Variants in MYH16 observed in about 807,000 individuals in gnomAD.
MYH16 encodes myosin heavy chain 16.
chr7:99,286,329 T>C (rs534818304), intron 27 of MYH16: 58 of 152,602 alleles, frequency 3.8e-4, no homozygotes, highest in African/African-American at 1.3e-3. Flanking sequence ...GGTTAGAGGA[T>C]TGTTTGAGCC....
At chr7:99,259,737 T>C (rs113397169) in intron 11 of MYH16, among the ~76,000 whole-genome samples, 5,078 of 148,600 alleles carry the variant, frequency 0.034, 267 homozygotes, top group African/African-American at 0.12. Flanking sequence ...TGTGTATATA[T>C]ATATTATACA....
At chr7:99,256,764 G>T (rs1791877567) in intron 9 of MYH16, among the ~76,000 whole-genome samples, 2 of 151,996 alleles carry the variant, frequency 1.3e-5, no homozygotes, top group South Asian at 4.2e-4. Flanking sequence ...GACAGAGGGA[G>T]GACTCCATCT....
At chr7:99,272,572 T>C (rs577065889) in intron 19 of MYH16, among the ~76,000 whole-genome samples, 2 of 151,372 alleles carry the variant, frequency 1.3e-5, no homozygotes, top group East Asian at 3.9e-4. Context: ...GGAGACCCCA[T>C]CTCTACAAAA....
At chr7:99,308,477 C>A (rs530662521), downstream of MYH16, among the ~76,000 whole-genome samples, 3 of 152,130 alleles carry the variant, frequency 2.0e-5, no homozygotes, top group Admixed American at 6.5e-5. Flanking sequence ...AAAACAAGAT[C>A]AATCACTCCT....
chr7:99,302,315 T>TAC lies in MYH16; in HGVS notation n.5137+512_5137+513insCA, dbSNP rs1369453226. On this transcript the variant is annotated intron_variant and non_coding_transcript_variant, in intron 38 of 41. Coordinates refer to ENST00000439784, the Ensembl canonical transcript of MYH16. The stretch of plus-strand genomic sequence containing the variant: ...TGACCATCTCAAAAAAAAAAAAATA[T>TAC]ATACACACACACACACACACACACA... Among the ~76,000 whole-genome samples, 507 of 77,958 alleles carry TAC rather than the reference T, an allele frequency of 6.5e-3. 11 individuals are homozygous for TAC. The highest frequency in any genetic ancestry group is 0.021 in the African/African-American group (240 of 11,586). 51.1% of individuals were successfully genotyped at this position (77,958 alleles called of 152,430 possible). A position where few individuals can be genotyped will look rare whatever the true frequency, so the allele number is the denominator to read the frequency against.
intron 8 of MYH16, chr7:99,253,970 T>G (rs1456502153): frequency 6.6e-6 from 1 of 152,240 alleles, no homozygotes; most frequent in Admixed American, 6.6e-5. Context: ...TGAATCGGGC[T>G]GGGTGCGGTG....
downstream of MYH16, among the ~76,000 whole-genome samples, chr7:99,307,762 C>CG (rs1792702498): frequency 6.6e-6 from 1 of 152,114 alleles, no homozygotes; most frequent in Non-Finnish European, 1.5e-5. Context: ...GAGAGTCTCA[C>CG]TCTGTCACCA....
chr7:99,244,600 G>A (rs1791706746), intron 2 of MYH16, among the ~76,000 whole-genome samples: 1 of 152,200 alleles, frequency 6.6e-6, no homozygotes, highest in East Asian at 1.9e-4. Flanking sequence ...TGTGACCCCA[G>A]ATTCATCCTC....
intron 21 of MYH16, among the ~76,000 whole-genome samples, 166 bp downstream of exon 3, chr7:99,277,878 CGTGTGTGT>C (rs61634087): frequency 4.4e-4 from 53 of 121,790 alleles, no homozygotes; most frequent in Admixed American, 2.4e-3. Context: ...CCATCCAATT[CGTGTGTGT>C]GTGTGTGTGT....
chr7:99,302,357 C>CACACACAT (rs1792612327), intron 38 of MYH16, among the ~76,000 whole-genome samples: 5 of 147,568 alleles, frequency 3.4e-5, no homozygotes, highest in Admixed American at 2.0e-4. Context: ...CACACACACA[C>CACACACAT]ACACACATCC....
In MYH16 at chr7:99,247,199, G is replaced by C. The variant is rs142477244; in HGVS notation, n.355-395G>C. The stretch of plus-strand genomic sequence containing the variant: ...TTGTTTTTGTTGTTTTTGAGACGGA[G>C]TCTCACTCTGTTGCCCAGGCTGGAG... On this transcript the variant is annotated intron_variant and non_coding_transcript_variant, in intron 2 of 41. Coordinates refer to ENST00000439784, the Ensembl canonical transcript of MYH16. Among the ~76,000 whole-genome samples the C allele has an allele frequency of 9.4e-4, 143 of 152,344 alleles. 1 individual carries two copies. Among genetic ancestry groups the C allele is most frequent in the Admixed American group, 4.5e-3 (69 of 15,304 alleles).
chr7:99,278,571 G>T (rs994128785), intron 21 of MYH16, among the ~76,000 whole-genome samples: 1 of 152,138 alleles, frequency 6.6e-6, no homozygotes, highest in Admixed American at 6.5e-5. Context: ...TCTCACAGCC[G>T]CCCTGTAAGA....
At chr7:99,302,837 C>T (rs897829948) in intron 38 of MYH16, among the ~76,000 whole-genome samples, 2 of 149,508 alleles carry the variant, frequency 1.3e-5, no homozygotes, top group African/African-American at 4.9e-5. Flanking sequence ...GCTGTGATTG[C>T]ACAACTGCAT....
At chr7:99,307,482 C>T (rs1049791537), downstream of MYH16, among the ~76,000 whole-genome samples, 6 of 152,120 alleles carry the variant, frequency 3.9e-5, no homozygotes, top group African/African-American at 1.4e-4. Flanking sequence ...CTAGTACTTT[C>T]AGAGGCCAAG....
At chr7:99,274,533 T>C (rs1184591562) in intron 20 of MYH16, among the ~76,000 whole-genome samples, 1 of 152,012 alleles carries the variant, frequency 6.6e-6, no homozygotes, top group East Asian at 1.9e-4. Flanking sequence ...CCCAAATGTA[T>C]CCACACACAG....
chr7:99,255,649 C>T, exon 9 of MYH16: 1 of 153,192 alleles, frequency 6.5e-6, no homozygotes. Context: ...CCACTGTGGA[C>T]AACATGGATG....
At chr7:99,258,810 T>A (rs1326831332) in intron 11 of MYH16, among the ~76,000 whole-genome samples, 3 of 147,230 alleles carry the variant, frequency 2.0e-5, no homozygotes, top group African/African-American at 2.5e-5. Flanking sequence ...AGCTCACCAC[T>A]AAAAAAAAAA....
intron 2 of MYH16, among the ~76,000 whole-genome samples, chr7:99,243,803 A>T (rs2150804675): frequency 6.6e-6 from 1 of 150,978 alleles, no homozygotes; most frequent in East Asian, 1.9e-4. Flanking sequence ...TCATCCATCC[A>T]TCCATCCATC....
At chr7:99,293,804 C>A (rs1423944649) in intron 32 of MYH16, among the ~76,000 whole-genome samples, 2 of 151,702 alleles carry the variant, frequency 1.3e-5, no homozygotes, top group Non-Finnish European at 2.9e-5. Context: ...CTGCAACAAT[C>A]CTTGACGCAG....
Sources: allele counts gnomAD v4.1 joint callset (sites outside exome capture counted in the v4.1 genomes callset), GRCh38; gene constraint gnomAD v4.1.1; transcripts MANE v1.5; gene names NCBI Gene and HGNC (gene_info 2026-07-23, HGNC 2026-07-21).